KCND2: variants seen among roughly 807,000 people sequenced by gnomAD.
KCND2 encodes A-type voltage-gated potassium channel KCND2.
In KCND2, 16 loss-of-function variants were observed where a neutral mutation model predicts 54.4. That is an observed-to-expected ratio of 0.29 (90% CI 0.20 to 0.45). KCND2 has a LOEUF of 0.45. Among genes scored for constraint, KCND2 ranks in the 20% least tolerant of loss-of-function variants. The probability of loss-of-function intolerance (pLI) is 1.00; values close to 1 mark genes in which losing one functional copy is unlikely to be tolerated. For synonymous variants in KCND2, 317 were observed against 310.7 expected (o/e 1.02, Z -0.21); for missense variants, 486 against 824.2 (o/e 0.59, Z 5.02).
At chr7:120,570,040 G>C (rs527430285) in intron 1 of KCND2, among the ~76,000 whole-genome samples, 44 of 152,254 alleles carry the variant, frequency 2.9e-4, no homozygotes, top group Middle Eastern at 3.4e-3. Flanking sequence ...AGAAGTGTCC[G>C]TGTCCCTTTT....
intron 1 of KCND2, among the ~76,000 whole-genome samples, chr7:120,620,993 G>C (rs969957654): frequency 6.6e-6 from 1 of 152,052 alleles, no homozygotes; most frequent in Admixed American, 6.5e-5. Context: ...GAACCATATG[G>C]GTCGGGCATG....
chr7:120,409,406 C>T (rs569873656), intron 1 of KCND2, among the ~76,000 whole-genome samples: 45 of 151,972 alleles, frequency 3.0e-4, no homozygotes, highest in African/African-American at 1.0e-3. Context: ...TATTTTTCTT[C>T]ATAAAATATC....
At chr7:120,467,592 G>T (rs1380225915) in intron 1 of KCND2, among the ~76,000 whole-genome samples, 2 of 152,058 alleles carry the variant, frequency 1.3e-5, no homozygotes, top group African/African-American at 4.8e-5. Flanking sequence ...CATATTTCAT[G>T]CAATATGGTA....
chr7:120,688,802 A>G (rs1047729917), intron 1 of KCND2, among the ~76,000 whole-genome samples: 6 of 152,326 alleles, frequency 3.9e-5, no homozygotes, highest in African/African-American at 1.4e-4. Context: ...CAAAAATAGA[A>G]GTAACTGTAC....
At chr7:120,349,242 G>A (rs1458838174) in intron 1 of KCND2, among the ~76,000 whole-genome samples, 1 of 151,860 alleles carries the variant, frequency 6.6e-6, no homozygotes, top group African/African-American at 2.4e-5. Context: ...ATGGACATCT[G>A]AAGTAGTGAG....
At chr7:120,472,562 TAC>T (rs10679656) in intron 1 of KCND2, among the ~76,000 whole-genome samples, 18,593 of 149,076 alleles carry the variant, frequency 0.12, 2,379 homozygotes, top group East Asian at 0.44. Context: ...AGACTTTAAA[TAC>T]ACACACACAC....
chr7:120,670,373 A>G (rs956313353), intron 1 of KCND2, among the ~76,000 whole-genome samples: 1 of 152,002 alleles, frequency 6.6e-6, no homozygotes, highest in Non-Finnish European at 1.5e-5. Context: ...GTTATTTTTT[A>G]CTTTCAATGA....
At chr7:120,318,525 G>C (rs1304576346) in intron 1 of KCND2, among the ~76,000 whole-genome samples, 1 of 151,988 alleles carries the variant, frequency 6.6e-6, no homozygotes, top group Non-Finnish European at 1.5e-5. Flanking sequence ...ACACTTATGT[G>C]TTTGGCAACA....
intron 4 of KCND2, 121 bp downstream of exon 4, chr7:120,742,723 A>G: frequency 1.3e-6 from 1 of 787,882 alleles, no homozygotes; most frequent in Non-Finnish European, 2.2e-6. Context: ...CATGCTAAAA[A>G]ACAAACAAAC....
chr7:120,740,948 A>G (rs150361465), intron 2 of KCND2: 8,736 of 452,314 alleles, frequency 0.019, 249 homozygotes, highest in Non-Finnish European at 0.02. Flanking sequence ...GAGAGAGTCC[A>G]TGTTGTTTGG....
chr7:120,352,555 C>T (rs1800430379), intron 1 of KCND2, among the ~76,000 whole-genome samples: 1 of 151,618 alleles, frequency 6.6e-6, no homozygotes, highest in Non-Finnish European at 1.5e-5. Flanking sequence ...CCCTATCCTT[C>T]ATAAAGCCTA....
At chr7:120,717,244 C>A (rs1406698914) in intron 1 of KCND2, among the ~76,000 whole-genome samples, 3 of 152,010 alleles carry the variant, frequency 2.0e-5, no homozygotes, top group African/African-American at 7.2e-5. Context: ...GATCATGAAA[C>A]CATGACGATG....
At chr7:120,285,458 A>G (rs1393815227) in intron 1 of KCND2, among the ~76,000 whole-genome samples, 1 of 152,016 alleles carries the variant, frequency 6.6e-6, no homozygotes, top group South Asian at 2.1e-4. Flanking sequence ...GAACATTACT[A>G]TAGTTAGAAA....
chr7:120,298,964 C>T (rs969430093), intron 1 of KCND2, among the ~76,000 whole-genome samples: 1 of 152,106 alleles, frequency 6.6e-6, no homozygotes, highest in African/African-American at 2.4e-5. Flanking sequence ...TCGAGACCAG[C>T]CTGGCCAACA....
intron 1 of KCND2, among the ~76,000 whole-genome samples, chr7:120,354,875 T>G (rs1800475932): frequency 6.6e-6 from 1 of 152,234 alleles, no homozygotes; most frequent in Non-Finnish European, 1.5e-5. Flanking sequence ...ATATATGAGA[T>G]ACATTATATA....
chr7:120,406,672 A>G (rs1801365289), intron 1 of KCND2, among the ~76,000 whole-genome samples: 1 of 152,062 alleles, frequency 6.6e-6, no homozygotes, highest in African/African-American at 2.4e-5. Context: ...GGTGAGATAC[A>G]CATTAATGCA....
intron 4 of KCND2, among the ~76,000 whole-genome samples, chr7:120,744,271 A>C (rs985367101): frequency 1.3e-5 from 2 of 152,192 alleles, no homozygotes; most frequent in African/African-American, 4.8e-5. Flanking sequence ...TCAATAAATA[A>C]ATAAATAAAT....
chr7:120,350,910 A>G (rs1265256127), intron 1 of KCND2, among the ~76,000 whole-genome samples: 1 of 152,182 alleles, frequency 6.6e-6, no homozygotes, highest in African/African-American at 2.4e-5. Flanking sequence ...GAAACACAAA[A>G]ATAAGTCTAA....
intron 1 of KCND2, among the ~76,000 whole-genome samples, chr7:120,590,346 G>A (rs564959596): frequency 2.8e-4 from 42 of 151,990 alleles, no homozygotes; most frequent in Non-Finnish European, 4.3e-4. Flanking sequence ...ACTTCACAGT[G>A]GTTTGCATCT....
Sources: allele counts gnomAD v4.1 joint callset (sites outside exome capture counted in the v4.1 genomes callset), GRCh38; gene constraint gnomAD v4.1.1; transcripts MANE v1.5; gene names NCBI Gene and HGNC (gene_info 2026-07-23, HGNC 2026-07-21).